The following VSNL1 variants were observed in gnomAD, a reference collection of about 807,000 sequenced individuals.
VSNL1 encodes the protein visinin like 1, also known as visinin-like protein 1.
VSNL1 carries 6 observed loss-of-function variants against 20.4 expected under a neutral mutation model. The observed-to-expected ratio is 0.29, with a 90% CI of 0.16 to 0.58. The LOEUF (loss-of-function observed/expected upper bound fraction) is 0.58. Ranked by LOEUF, VSNL1 falls within the 20% of genes least tolerant of loss-of-function variation. VSNL1 has a pLI of 0.90. For missense variants in VSNL1, 100 were observed against 234.5 expected, an observed-to-expected ratio of 0.43 and a Z score of 3.75; for synonymous variants, 93 against 86.4, an observed-to-expected ratio of 1.08 and a Z score of -0.42.
chr2:17,564,426 G>A (rs1005068615), intron 1 of VSNL1, among the ~76,000 whole-genome samples: 1 of 152,126 alleles, frequency 6.6e-6, no homozygotes, highest in African/African-American at 2.4e-5. Flanking sequence ...GTTCAGAGTG[G>A]TTTTTAAGAA....
chr2:17,577,332 T>A (rs1250546204), intron 1 of VSNL1, among the ~76,000 whole-genome samples: 1 of 152,248 alleles, frequency 6.6e-6, no homozygotes, highest in African/African-American at 2.4e-5. Context: ...TGTTAATGAT[T>A]TTTTAAAAGA....
chr2:17,556,192 G>A (rs957897714), intron 1 of VSNL1, among the ~76,000 whole-genome samples: 1 of 152,132 alleles, frequency 6.6e-6, no homozygotes, highest in Non-Finnish European at 1.5e-5. Flanking sequence ...TTTAAGGGTA[G>A]TTTTTAAAAG....
intron 1 of VSNL1, among the ~76,000 whole-genome samples, chr2:17,557,243 G>A (rs182445116): frequency 9.6e-4 from 146 of 152,212 alleles, no homozygotes; most frequent in African/African-American, 3.3e-3. Flanking sequence ...AAATTGGATC[G>A]ATGCTCTTTT....
chr2:17,604,826 C>G (rs1023094829), intron 2 of VSNL1, among the ~76,000 whole-genome samples: 1 of 152,122 alleles, frequency 6.6e-6, no homozygotes, highest in Non-Finnish European at 1.5e-5. Flanking sequence ...TGGGTGGTTT[C>G]TTTTTTTCTC....
intron 2 of VSNL1, among the ~76,000 whole-genome samples, chr2:17,594,560 C>T (rs578112650): frequency 1.9e-4 from 29 of 152,190 alleles, no homozygotes; most frequent in Non-Finnish European, 3.7e-4. Context: ...CAGCAAGACA[C>T]GGTCATTATC....
At chr2:17,596,739 G>A (rs1262261280) in intron 2 of VSNL1, among the ~76,000 whole-genome samples, 1 of 152,104 alleles carries the variant, frequency 6.6e-6, no homozygotes, top group East Asian at 1.9e-4. Context: ...TCACAGAGTT[G>A]TTTAAAAAAA....
chr2:17,545,704 G>A (rs922666245), intron 1 of VSNL1, among the ~76,000 whole-genome samples: 4 of 152,086 alleles, frequency 2.6e-5, no homozygotes, highest in Non-Finnish European at 5.9e-5. Context: ...TAATGGAAGG[G>A]TCTTGGGGAT....
chr2:17,622,314 A>G (rs534957820), intron 2 of VSNL1, among the ~76,000 whole-genome samples: 2 of 151,786 alleles, frequency 1.3e-5, no homozygotes, highest in South Asian at 2.1e-4. Flanking sequence ...CCTGGCCAAC[A>G]TGGTGAAACC....
intron 1 of VSNL1, among the ~76,000 whole-genome samples, chr2:17,553,325 T>C (rs1300210824): frequency 6.6e-6 from 1 of 152,204 alleles, no homozygotes; most frequent in Non-Finnish European, 1.5e-5. Flanking sequence ...GCAGAAAATC[T>C]GTAACTTTGA....
At chr2:17,611,580 G>C (rs1665088805) in intron 2 of VSNL1, among the ~76,000 whole-genome samples, 1 of 152,250 alleles carries the variant, frequency 6.6e-6, no homozygotes, top group South Asian at 2.1e-4. Context: ...CTTGGTCAAA[G>C]AGTAGACTAA....
chr2:17,614,821 C>G (rs1665178058), intron 2 of VSNL1, among the ~76,000 whole-genome samples: 1 of 152,202 alleles, frequency 6.6e-6, no homozygotes, highest in Non-Finnish European at 1.5e-5. Flanking sequence ...AGCTTTGGGT[C>G]AGATAGAGCT....
At chr2:17,640,252 CAAAAAA>C (rs60583462) in intron 2 of VSNL1, among the ~76,000 whole-genome samples, 12 of 98,864 alleles carry the variant, frequency 1.2e-4, no homozygotes, top group Non-Finnish European at 1.8e-4. Flanking sequence ...GACTCTGTTT[CAAAAAA>C]AAAAAAAAAA....
chr2:17,557,958 C>T (rs1237896634), intron 1 of VSNL1, among the ~76,000 whole-genome samples: 1 of 152,166 alleles, frequency 6.6e-6, no homozygotes, highest in African/African-American at 2.4e-5. Flanking sequence ...TGTGCTTCTA[C>T]AAGTCCATGA....
At chr2:17,622,528 AAAGAAAAGAAAGAAAG>A (rs1665389215) in intron 2 of VSNL1, among the ~76,000 whole-genome samples, 1 of 115,552 alleles carries the variant, frequency 8.7e-6, no homozygotes, top group Non-Finnish European at 1.8e-5. Flanking sequence ...GAAAAGAAAG[AAAGAAAAGAAAGAAAG>A]AAAGAAAGAA....
At chr2:17,638,473 A>G (rs1049459354) in intron 2 of VSNL1, among the ~76,000 whole-genome samples, 24 of 152,204 alleles carry the variant, frequency 1.6e-4, no homozygotes, top group Non-Finnish European at 2.6e-4. Flanking sequence ...CGTTGCACAC[A>G]AGAGGAAACA....
intron 1 of VSNL1, among the ~76,000 whole-genome samples, chr2:17,581,191 A>G (rs1008422183): frequency 6.6e-6 from 1 of 152,190 alleles, no homozygotes; most frequent in African/African-American, 2.4e-5. Flanking sequence ...TTCAATATCA[A>G]CATTTTTTAT....
At chr2:17,604,680 C>T (rs1447741436) in intron 2 of VSNL1, among the ~76,000 whole-genome samples, 4 of 152,218 alleles carry the variant, frequency 2.6e-5, no homozygotes, top group Admixed American at 1.3e-4. Context: ...AGGTGAAATA[C>T]CTTCAGTCTG....
At chr2:17,602,776 T>A (rs927322095) in intron 2 of VSNL1, among the ~76,000 whole-genome samples, 5 of 149,960 alleles carry the variant, frequency 3.3e-5, no homozygotes, top group African/African-American at 7.3e-5. Context: ...AATAAAAAAA[T>A]AAAATAAAAT....
intron 2 of VSNL1, among the ~76,000 whole-genome samples, chr2:17,602,751 T>TATAAA (rs1320271298): frequency 2.1e-4 from 29 of 138,924 alleles, no homozygotes; most frequent in South Asian, 1.3e-3. Flanking sequence ...AAAACATAAA[T>TATAAA]ATAAAATAAA....
Sources: allele counts gnomAD v4.1 joint callset (sites outside exome capture counted in the v4.1 genomes callset), GRCh38; gene constraint gnomAD v4.1.1; transcripts MANE v1.5; gene names NCBI Gene and HGNC (gene_info 2026-07-23, HGNC 2026-07-21).